RRM2B: variants seen among roughly 807,000 people sequenced by gnomAD.
RRM2B encodes ribonucleoside-diphosphate reductase subunit M2 B.
RRM2B carries 20 observed loss-of-function variants against 45.9 expected under a neutral mutation model. The ratio of observed to expected loss-of-function variants is 0.44; its 90% confidence interval spans 0.31 to 0.63. RRM2B has a LOEUF of 0.63. RRM2B is among the 30% of genes least tolerant of loss of function. The probability of loss-of-function intolerance (pLI) is 0.09; values close to 1 mark genes in which losing one functional copy is unlikely to be tolerated. For missense variants in RRM2B, 320 were observed against 414.7 expected (o/e 0.77, Z 1.98); for synonymous variants, 124 against 132.3 (o/e 0.94, Z 0.43).
rs772138480 is a variant in RRM2B at position 102,204,925 on chromosome 8, T to G, written c.*3208A>C. 5.3e-5 allele frequency: 8 copies of G among 152,180 alleles called. No individual in the cohort carries two copies. Among genetic ancestry groups the G allele is most frequent in the Non-Finnish European group, 8.8e-5 (6 of 68,006 alleles). 9.4% of individuals were successfully genotyped at this position (152,180 alleles called of 1,614,324 possible). On this transcript the variant is annotated 3_prime_UTR_variant, in exon 9 of 9. Transcript: ENST00000251810. ...TTTTTAAACAAGATTAAGCCCCAAA[T>G]TGAAGGGATTAAATCCTTTCTTCCT...
At chr8:102,226,750 T>C (rs1810939188) in intron 2 of RRM2B, among the ~76,000 whole-genome samples, 1 of 152,218 alleles carries the variant, frequency 6.6e-6, no homozygotes, top group African/African-American at 2.4e-5. Context: ...AGTCTCGCTC[T>C]GTCGCCAGGC....
At chr8:102,233,312 A>AG (rs1179162545) in intron 1 of RRM2B, among the ~76,000 whole-genome samples, 1 of 152,182 alleles carries the variant, frequency 6.6e-6, no homozygotes, top group Non-Finnish European at 1.5e-5. Flanking sequence ...ATGCAAATAC[A>AG]GGGGGGCTTG....
intron 3 of RRM2B, among the ~76,000 whole-genome samples, chr8:102,225,228 C>CTTTTTTTT (rs918693739): frequency 3.0e-4 from 26 of 87,520 alleles, no homozygotes; most frequent in East Asian, 3.9e-4. Flanking sequence ...ATAGTATATT[C>CTTTTTTTT]TTTTTTTTTT....
In RRM2B at chr8:102,218,802, T is replaced by C. The variant is rs773652531; in HGVS notation, c.684+12A>G. On this transcript the variant is annotated intron_variant, in intron 6 of 8. Coordinates refer to ENST00000251810, the MANE Select transcript of RRM2B (RefSeq NM_015713.5). ...AATACAAATATAACTAGAAAAACAT[T>C]CCATTCCTTACTTCATCTCTGCTGA... 5.6e-6 allele frequency: 9 copies of C among 1,600,178 alleles called. No homozygotes were observed. The highest frequency in any genetic ancestry group is 1.7e-5 in the Admixed American group (1 of 59,922).
chr8:102,226,105 T>A, intron 2 of RRM2B, 71 bp from the exon 3 acceptor site: 1 of 903,478 alleles, frequency 1.1e-6, no homozygotes, highest in South Asian at 1.3e-5. Flanking sequence ...GGAAACTAAC[T>A]TCTATTGTTA....
chr8:102,207,096 A>T lies in RRM2B; in HGVS notation c.*1037T>A, dbSNP rs1810555967. ...AGGAACACTAGCTGGGTGAGATGTT[A>T]ACAGGTAAAAAACATCTGTGTTAAG... On this transcript the variant is annotated 3_prime_UTR_variant, in exon 9 of 9. Coordinates refer to ENST00000251810, the MANE Select transcript of RRM2B (RefSeq NM_015713.5). 6.6e-6 allele frequency: 1 copy of T among 152,200 alleles called. No individual in the cohort carries two copies. Among genetic ancestry groups the T allele is most frequent in the South Asian group, 2.1e-4 (1 of 4,820 alleles). 9.4% of individuals were successfully genotyped at this position (152,200 alleles called of 1,614,324 possible). A position where few individuals can be genotyped will look rare whatever the true frequency, so the allele number is the denominator to read the frequency against.
In RRM2B at chr8:102,224,924, CTG is replaced by C; in HGVS notation, c.414_415del (p.Tyr138Ter). The C allele has an allele frequency of 6.2e-7, 1 of 1,613,904 alleles. No homozygotes were observed. The highest frequency in any genetic ancestry group is 8.5e-7 in the Non-Finnish European group (1 of 1,179,790). ...TCTGATGTAAGTGTCTATCAGCAAA[CTG>C]TACATCTCTGAGTGAACATTCTCGA... On this transcript the variant is annotated stop_gained and frameshift_variant, in exon 4 of 9. Transcript: ENST00000251810. LOFTEE classifies it high-confidence loss of function.
chr8:102,224,328 C>A (rs1810888104), intron 4 of RRM2B, among the ~76,000 whole-genome samples, 188 bp from the exon 5 acceptor site: 1 of 152,036 alleles, frequency 6.6e-6, no homozygotes, highest in South Asian at 2.1e-4. Context: ...ACGACAGGTG[C>A]CCGCCACCAC....
At chr8:102,234,219 C>G (rs888405197) in intron 1 of RRM2B, among the ~76,000 whole-genome samples, 8 of 152,188 alleles carry the variant, frequency 5.3e-5, no homozygotes, top group Non-Finnish European at 2.9e-5. Flanking sequence ...AATAACTGAT[C>G]TGCTGAAGAC....
At chr8:102,227,818 CAG>C (rs918078503) in intron 2 of RRM2B, among the ~76,000 whole-genome samples, 4 of 151,944 alleles carry the variant, frequency 2.6e-5, no homozygotes, top group Non-Finnish European at 5.9e-5. Context: ...CCTGACATAG[CAG>C]AGAGAGAGAG....
chr8:102,222,116 G>A (rs1810847753), intron 5 of RRM2B, among the ~76,000 whole-genome samples: 1 of 147,234 alleles, frequency 6.8e-6, no homozygotes, highest in South Asian at 2.1e-4. Context: ...GTCTTGCTCT[G>A]TCACCCAGGC....
chr8:102,213,821 A>C (rs1020120279), intron 7 of RRM2B, among the ~76,000 whole-genome samples: 1 of 152,202 alleles, frequency 6.6e-6, no homozygotes, highest in African/African-American at 2.4e-5. Flanking sequence ...AATAGCCCTG[A>C]AACAGGTTTT....
intron 1 of RRM2B, chr8:102,238,333 T>G: frequency 5.8e-6 from 2 of 346,392 alleles, no homozygotes; most frequent in Non-Finnish European, 1.1e-5. Context: ...TGGGAGGAGG[T>G]CATGAGGATT....
chr8:102,214,408 GAACA>G (rs1375121616), intron 6 of RRM2B: 7 of 435,198 alleles, frequency 1.6e-5, no homozygotes, highest in Middle Eastern at 3.2e-4. Flanking sequence ...ATTAATTTAT[GAACA>G]AACAAAATCT....
rs1267257338 is a variant in RRM2B at position 102,206,274 on chromosome 8, G to C, written c.*1859C>G. 6.6e-6 allele frequency: 1 copy of C among 152,076 alleles called. No individual in the cohort carries two copies. Among genetic ancestry groups the C allele is most frequent in the African/African-American group, 2.4e-5 (1 of 41,422 alleles). 9.4% of individuals were successfully genotyped at this position (152,076 alleles called of 1,614,324 possible). ...ACTGTACAGACAGTGACGATGAGCA[G>C]ATCTTGGCCAAGTCATTTAACTTCC... On this transcript the variant is annotated 3_prime_UTR_variant, in exon 9 of 9. Coordinates refer to ENST00000251810, the MANE Select transcript of RRM2B (RefSeq NM_015713.5).
intron 7 of RRM2B, 129 bp from the exon 8 acceptor site, chr8:102,213,018 C>A: frequency 7.5e-6 from 5 of 669,332 alleles, no homozygotes; most frequent in South Asian, 3.3e-5. Context: ...AGGATAAATT[C>A]TTTCAATGTG....
intron 5 of RRM2B, among the ~76,000 whole-genome samples, chr8:102,221,365 A>ACC (rs1810832546): frequency 6.6e-6 from 1 of 152,138 alleles, no homozygotes; most frequent in African/African-American, 2.4e-5. Context: ...GTTAGGCAAA[A>ACC]CCCTAAGCCA....
At chr8:102,215,332 C>A (rs191568381) in intron 6 of RRM2B, among the ~76,000 whole-genome samples, 18 of 151,962 alleles carry the variant, frequency 1.2e-4, no homozygotes, top group African/African-American at 4.3e-4. Context: ...ATTGCTTGAA[C>A]CTGGGAGGTC....
At chr8:102,225,456 T>C (rs1187209901) in intron 3 of RRM2B, among the ~76,000 whole-genome samples, 1 of 152,030 alleles carries the variant, frequency 6.6e-6, no homozygotes, top group East Asian at 1.9e-4. Flanking sequence ...ATGGTCTCAA[T>C]CTCTTGACCT....
Sources: gnomAD v4.1 joint callset for allele counts (sites outside exome capture counted in the v4.1 genomes callset) on GRCh38, gnomAD v4.1.1 for gene constraint, MANE v1.5 for transcripts, NCBI Gene and HGNC (gene_info 2026-07-23, HGNC 2026-07-21) for gene names.